The following SGCZ variants were observed in gnomAD, a reference collection of about 807,000 sequenced individuals.
The protein encoded by SGCZ is sarcoglycan zeta.
In SGCZ, 40 loss-of-function variants were observed where a neutral mutation model predicts 41.3. That is an observed-to-expected ratio of 0.97 (90% confidence interval 0.75 to 1.26). The LOEUF (loss-of-function observed/expected upper bound fraction) is 1.26, where lower values mean the gene tolerates loss of function less well. Ranked by LOEUF, SGCZ falls within the 50% of genes most tolerant of loss-of-function variation. The pLI is 0.00. For synonymous variants in SGCZ, 206 were observed against 137.5 expected (o/e 1.50, Z -3.49); for missense variants, 552 against 369.8 (o/e 1.49, Z -4.04).
intron 1 of SGCZ, among the ~76,000 whole-genome samples, chr8:14,652,864 A>AT (rs1268633146): frequency 6.6e-6 from 1 of 152,106 alleles, no homozygotes; most frequent in Non-Finnish European, 1.5e-5. Flanking sequence ...ATTGGGTATC[A>AT]TTAACTCGAT....
rs1039600053 is a variant in SGCZ, at chr8:14,612,356, C to T, written c.40-57430G>A. ...TTCCCTCTGTCCTCTCATTCTCCGG[C>T]TCCCTTATGAAAAAGGTGTTTGCTT... On this transcript the variant is annotated intron_variant, in intron 1 of 7. Transcript: ENST00000382080. 7.9e-5 allele frequency among the ~76,000 whole-genome samples: 12 copies of T among 152,290 alleles called. No individual in the cohort carries two copies. In the East Asian group the frequency reaches 2.1e-3, roughly 27 times the overall value.
At chr8:14,696,457 T>A (rs993130295) in intron 1 of SGCZ, among the ~76,000 whole-genome samples, 1 of 152,140 alleles carries the variant, frequency 6.6e-6, no homozygotes, top group Non-Finnish European at 1.5e-5. Context: ...CAAAGCCTGT[T>A]CTTACACATC....
chr8:14,441,969 C>A (rs562742940), intron 2 of SGCZ, among the ~76,000 whole-genome samples: 2 of 152,302 alleles, frequency 1.3e-5, no homozygotes, highest in African/African-American at 2.4e-5. Flanking sequence ...TGTAACCAGG[C>A]CATTTCATAT....
At chr8:14,123,386 G>C (rs889512894) in intron 5 of SGCZ, among the ~76,000 whole-genome samples, 3 of 152,190 alleles carry the variant, frequency 2.0e-5, no homozygotes, top group African/African-American at 7.2e-5. Flanking sequence ...GGGAAATGAA[G>C]TGATGTTAAA....
At chr8:14,988,137 A>G (rs1801888221) in intron 1 of SGCZ, among the ~76,000 whole-genome samples, 2 of 151,982 alleles carry the variant, frequency 1.3e-5, no homozygotes, top group African/African-American at 4.8e-5. Flanking sequence ...GAGGATATTT[A>G]GGGGATACAT....
intron 1 of SGCZ, among the ~76,000 whole-genome samples, chr8:15,030,636 C>A (rs573649332): frequency 2.0e-5 from 3 of 152,108 alleles, no homozygotes; most frequent in African/African-American, 7.2e-5. Context: ...GTATCTACTG[C>A]GCACAAGGGA....
chr8:14,475,552 T>C (rs1027878775), intron 2 of SGCZ, among the ~76,000 whole-genome samples: 1 of 152,318 alleles, frequency 6.6e-6, no homozygotes, highest in African/African-American at 2.4e-5. Context: ...TGGCTCACAA[T>C]AGAGCTAATA....
At chr8:15,097,888 G>GTATATATATATACACATGTATATA (rs1563124124) in intron 1 of SGCZ, among the ~76,000 whole-genome samples, 2 of 120,658 alleles carry the variant, frequency 1.7e-5, no homozygotes, top group African/African-American at 6.9e-5. Context: ...ATATACGTGT[G>GTATATATATATACACATGTATATA]TATATATATA....
chr8:14,902,641 A>C (rs1799003489), intron 1 of SGCZ, among the ~76,000 whole-genome samples: 1 of 152,140 alleles, frequency 6.6e-6, no homozygotes. Flanking sequence ...CCTCTTCAGA[A>C]AGTTGTCTAT....
At position 14,346,006 on chromosome 8, in the gene SGCZ, T is replaced by C. The variant is rs146717056; in HGVS notation, c.235-21802A>G. Among the ~76,000 whole-genome samples, 213 of 152,244 alleles carry C rather than the reference T, an allele frequency of 1.4e-3. 3 individuals are homozygous for C. In the East Asian group the frequency reaches 0.034, roughly 25 times the overall value. On this transcript the variant is annotated intron_variant, in intron 2 of 7. Transcript: ENST00000382080. The stretch of plus-strand genomic sequence containing the variant: ...TTTCACATTATACTGCAGTGGTGGA[T>C]ACATGTCATTGTATATTTGTCAAAC...
In SGCZ at chr8:14,176,682, G is replaced by A. The variant is rs1185470835; in HGVS notation, c.425-11980C>T. 2.6e-5 allele frequency among the ~76,000 whole-genome samples: 4 copies of A among 152,158 alleles called. No homozygotes were observed. In the South Asian group the frequency reaches 6.2e-4, roughly 24 times the overall value. ...ACTCAAGGGCATATGTCCATTGCTT[G>A]GATCAGGCTAGGTTCAAGTGGGTGG... On this transcript the variant is annotated intron_variant, in intron 4 of 7. Transcript: ENST00000382080.
chr8:15,174,803 A>G (rs1799949536), intron 1 of SGCZ, among the ~76,000 whole-genome samples: 1 of 152,200 alleles, frequency 6.6e-6, no homozygotes, highest in Admixed American at 6.5e-5. Context: ...GCGACTTATT[A>G]CTTTTTTAAA....
intron 2 of SGCZ, among the ~76,000 whole-genome samples, chr8:14,347,440 GA>G (rs1802927343): frequency 6.6e-6 from 1 of 151,856 alleles, no homozygotes; most frequent in Non-Finnish European, 1.5e-5. Context: ...TTAGTAACAG[GA>G]AAAAAGTTAT....
At chr8:14,669,317 C>T (rs1808019442) in intron 1 of SGCZ, among the ~76,000 whole-genome samples, 1 of 150,572 alleles carries the variant, frequency 6.6e-6, no homozygotes, top group Non-Finnish European at 1.5e-5. Context: ...CAAGACATGC[C>T]ACTGCACTCT....
chr8:14,449,868 C>T (rs1228407956), intron 2 of SGCZ, among the ~76,000 whole-genome samples: 1 of 152,120 alleles, frequency 6.6e-6, no homozygotes, highest in Admixed American at 6.6e-5. Flanking sequence ...ATTGGATTCA[C>T]CCCACAACCT....
At chr8:14,948,117 T>C (rs890068916) in intron 1 of SGCZ, among the ~76,000 whole-genome samples, 2 of 152,178 alleles carry the variant, frequency 1.3e-5, no homozygotes, top group African/African-American at 4.8e-5. Flanking sequence ...ACTATTCTTT[T>C]CTTTAAGCAG....
At chr8:14,648,748 A>G (rs1050618901) in intron 1 of SGCZ, among the ~76,000 whole-genome samples, 2 of 152,062 alleles carry the variant, frequency 1.3e-5, no homozygotes. Flanking sequence ...TATTTGCATC[A>G]TAGTTCAGAC....
At chr8:14,419,009 C>T (rs1217251225) in intron 2 of SGCZ, among the ~76,000 whole-genome samples, 2 of 151,954 alleles carry the variant, frequency 1.3e-5, no homozygotes, top group South Asian at 2.1e-4. Flanking sequence ...ATGACAATCT[C>T]ACCTGTGTGT....
At chr8:14,852,519 C>T (rs750770153) in intron 1 of SGCZ, among the ~76,000 whole-genome samples, 13 of 152,098 alleles carry the variant, frequency 8.5e-5, no homozygotes, top group Non-Finnish European at 1.8e-4. Context: ...AAGTTGCCAT[C>T]GAGTACACAC....
Sources: allele counts gnomAD v4.1 joint callset (sites outside exome capture counted in the v4.1 genomes callset), GRCh38; gene constraint gnomAD v4.1.1; transcripts MANE v1.5; gene names NCBI Gene and HGNC (gene_info 2026-07-23, HGNC 2026-07-21).